GPR89B: variants seen among roughly 807,000 people sequenced by gnomAD.
GPR89B encodes the protein golgi pH regulator B.
In GPR89B, 25 loss-of-function variants were observed where a neutral mutation model predicts 52.4. The ratio of observed to expected loss-of-function variants is 0.48; its 90% CI spans 0.35 to 0.67. GPR89B has a LOEUF of 0.67. Ranked by LOEUF, GPR89B falls within the 30% of genes least tolerant of loss-of-function variation. The pLI is 0.01. For missense variants in GPR89B, 146 were observed against 450.2 expected (o/e 0.32, Z 6.11); for synonymous variants, 52 against 151.2 (o/e 0.34, Z 4.81).
chr1:147,963,997 A>G (rs1289692365), intron 7 of GPR89B, among the ~76,000 whole-genome samples: 2 of 152,054 alleles, frequency 1.3e-5, no homozygotes, highest in Non-Finnish European at 2.9e-5. Flanking sequence ...AGAAATGGAG[A>G]ACAGATTCGT....
At chr1:147,946,658 A>G (rs1428235942) in intron 5 of GPR89B, among the ~76,000 whole-genome samples, 1 of 152,106 alleles carries the variant, frequency 6.6e-6, no homozygotes, top group Non-Finnish European at 1.5e-5. Flanking sequence ...CGACTCTGAC[A>G]CCTTTCTCCA....
At chr1:147,991,417 T>C (rs1268135201) in intron 12 of GPR89B, among the ~76,000 whole-genome samples, 1 of 152,178 alleles carries the variant, frequency 6.6e-6, no homozygotes, top group Non-Finnish European at 1.5e-5. Context: ...GACTTCCTCT[T>C]TTCCTGATTG....
chr1:147,995,913 A>G (rs1288718456), downstream of GPR89B: 89 of 1,414,112 alleles, frequency 6.3e-5, no homozygotes, highest in South Asian at 1.3e-4. Flanking sequence ...TGAGTTATCA[A>G]TTTCAAACAG....
chr1:147,968,527 A>G, intron 8 of GPR89B: 1 of 396,268 alleles, frequency 2.5e-6, no homozygotes, highest in Non-Finnish European at 4.8e-6. Flanking sequence ...GCTATGCTTT[A>G]TTATAGTTAT....
At chr1:147,983,940 A>G (rs1393842843) in intron 10 of GPR89B, among the ~76,000 whole-genome samples, 8 of 152,046 alleles carry the variant, frequency 5.3e-5, no homozygotes, top group Non-Finnish European at 8.8e-5. Context: ...ATGTCCAACA[A>G]TGATAGACTG....
chr1:147,931,075 A>G (rs1309401183), intron 1 of GPR89B, among the ~76,000 whole-genome samples: 1 of 151,988 alleles, frequency 6.6e-6, no homozygotes, highest in African/African-American at 2.4e-5. Context: ...TCCATAGATT[A>G]TAAACTCCTT....
At position 147,970,545 on chromosome 1, in the gene GPR89B, C is replaced by A. The variant is rs1380707321; in HGVS notation, c.909+586C>A. Among the ~76,000 whole-genome samples the A allele has an allele frequency of 6.1e-3, 786 of 129,116 alleles. 5 individuals carry two copies. Among genetic ancestry groups the A allele is most frequent in the African/African-American group, 0.021 (704 of 33,606 alleles). 84.7% of individuals were successfully genotyped at this position (129,116 alleles called of 152,430 possible). A position where few individuals can be genotyped will look rare whatever the true frequency, so the allele number is the denominator to read the frequency against. ...TCTCTCTCTCTCTCTATCTCTATCT[C>A]TCTCTCTCTATCTCTCTCTCTCTCT... On this transcript the variant is annotated intron_variant, in intron 10 of 13. Coordinates refer to ENST00000314163, the MANE Select transcript of GPR89B (RefSeq NM_016334.5).
chr1:147,986,566 G>A (rs1271103095), intron 11 of GPR89B, among the ~76,000 whole-genome samples: 63 of 152,200 alleles, frequency 4.1e-4, no homozygotes, highest in Non-Finnish European at 7.2e-4. Flanking sequence ...TATTTCTACA[G>A]CTGCTCCTCT....
chr1:148,018,406 G>A, the GPR89B span, among the ~76,000 whole-genome samples: 1 of 140,746 alleles, frequency 7.1e-6, no homozygotes, highest in Non-Finnish European at 1.5e-5. Flanking sequence ...GCAACAAAGT[G>A]AGACTCCGTC....
intron 5 of GPR89B, among the ~76,000 whole-genome samples, chr1:147,949,345 A>C (rs1375758074): frequency 6.8e-6 from 1 of 146,994 alleles, no homozygotes; most frequent in Non-Finnish European, 1.5e-5. Flanking sequence ...GGCCGGGCAG[A>C]GGTGCCCCTC....
At chr1:147,952,282 T>C (rs1553251194) in intron 5 of GPR89B, among the ~76,000 whole-genome samples, 1 of 151,718 alleles carries the variant, frequency 6.6e-6, no homozygotes, top group East Asian at 1.9e-4. Context: ...GAAGGCAGAG[T>C]GTTAGACTGA....
downstream of GPR89B, chr1:147,996,644 G>A: frequency 4.3e-6 from 7 of 1,611,596 alleles, no homozygotes; most frequent in Non-Finnish European, 5.9e-6. Flanking sequence ...AGTATCTGGT[G>A]GACTTGAGAC....
the GPR89B span, among the ~76,000 whole-genome samples, chr1:148,002,161 C>A: frequency 3.0e-4 from 45 of 152,032 alleles, no homozygotes; most frequent in East Asian, 5.0e-3. Context: ...TCAGCTCTGC[C>A]CATTCTCCAT....
the GPR89B span, among the ~76,000 whole-genome samples, chr1:148,004,238 G>A: frequency 6.6e-6 from 1 of 150,400 alleles, no homozygotes; most frequent in African/African-American, 2.4e-5. Flanking sequence ...CTCACTGCAA[G>A]CTCTGCCTCC....
At chr1:147,988,043 G>A (rs1357520897) in intron 11 of GPR89B, among the ~76,000 whole-genome samples, 18 of 151,998 alleles carry the variant, frequency 1.2e-4, no homozygotes, top group Non-Finnish European at 1.6e-4. Flanking sequence ...ATTTATTAGC[G>A]TTATTTTTAT....
intron 1 of GPR89B, among the ~76,000 whole-genome samples, chr1:147,931,684 G>A (rs1424439080): frequency 1.3e-5 from 2 of 151,734 alleles, no homozygotes; most frequent in East Asian, 3.9e-4. Flanking sequence ...CGGTCACCCA[G>A]GTACTGAGCG....
chr1:148,023,435 T>C, the GPR89B span, among the ~76,000 whole-genome samples: 5 of 145,052 alleles, frequency 3.4e-5, 1 homozygote, highest in Admixed American at 3.4e-4. Flanking sequence ...GTTTTAATGA[T>C]TTACATTCCT....
chr1:147,997,127 G>A (rs1158705694), downstream of GPR89B, among the ~76,000 whole-genome samples: 2 of 152,120 alleles, frequency 1.3e-5, no homozygotes, highest in African/African-American at 4.8e-5. Flanking sequence ...CTGACTAGCC[G>A]GTACCTCATG....
At chr1:147,929,349 G>T (rs1395828575) in intron 1 of GPR89B, among the ~76,000 whole-genome samples, 6 of 151,508 alleles carry the variant, frequency 4.0e-5, no homozygotes, top group Non-Finnish European at 8.8e-5. Context: ...GTTAATTATT[G>T]TTTCTTCCTA....
Sources: gnomAD v4.1 joint callset for allele counts (sites outside exome capture counted in the v4.1 genomes callset) on GRCh38, gnomAD v4.1.1 for gene constraint, MANE v1.5 for transcripts, NCBI Gene and HGNC (gene_info 2026-07-23, HGNC 2026-07-21) for gene names.